Variants in ARHGAP39 observed in about 807,000 individuals in gnomAD.
ARHGAP39 encodes the protein rho GTPase-activating protein 39.
In ARHGAP39, 44 loss-of-function variants were observed where a neutral mutation model predicts 106.9. The ratio of observed to expected loss-of-function variants is 0.41; its 90% CI spans 0.32 to 0.53. ARHGAP39 has a LOEUF of 0.53. Ranked by LOEUF, ARHGAP39 falls within the 20% of genes least tolerant of loss-of-function variation. The pLI, the probability that ARHGAP39 is intolerant of heterozygous loss-of-function variation, is 0.21. For missense variants in ARHGAP39, 1,496 were observed against 1,577.3 expected (o/e 0.95, Z 0.87); for synonymous variants, 768 against 693.2 (o/e 1.11, Z -1.69).
chr8:144,544,602 C>T (rs1328435117), intron 6 of ARHGAP39, among the ~76,000 whole-genome samples: 1 of 152,256 alleles, frequency 6.6e-6, no homozygotes, highest in African/African-American at 2.4e-5. Flanking sequence ...TGGCGGATGG[C>T]ACCATGGCCT....
At chr8:144,637,673 G>A (rs928365644) in intron 1 of ARHGAP39, among the ~76,000 whole-genome samples, 5 of 152,042 alleles carry the variant, frequency 3.3e-5, no homozygotes, top group South Asian at 2.1e-4. Flanking sequence ...ATGTGTTTAC[G>A]TTTTGCTAAC....
Position 144,547,482 on chromosome 8 carries a change from G to A in ARHGAP39, c.1604C>T (p.Pro535Leu), listed in dbSNP as rs567204289. ...GGCCTCACCTTCCGCTCGCTTCACG[G>A]GGGCGAGGCTGGTCCCGCACGGGGG... is the stretch of plus-strand genomic sequence containing the variant. Reference protein sequence around the residue: ...EQPPCGTSLAPVKRAEGEAEG... With the variant: ...EQPPCGTSLALVKRAEGEAEG... The change falls in exon 5 of 12, where the codon CCC becomes CTC. Residue 535 changes from proline (P) to leucine (L), a missense_variant. Physicochemically the swap from Pro to Leu is moderately conservative, Grantham distance 98. This residue lies in a region of ARHGAP39 where 905 missense variants were observed against 816.4 expected (regional missense o/e 1.11). Coordinates refer to ENST00000377307, the MANE Select transcript of ARHGAP39 (RefSeq NM_025251.3). This position sits in a 1 kb window ranked among gnomAD's most constrained non-coding sequence, Gnocchi z 5.2. 1.5e-5 allele frequency: 23 copies of A among 1,532,626 alleles called. No individual in the cohort carries two copies. Among genetic ancestry groups the A allele is most frequent in the Non-Finnish European group, 2.0e-5 (23 of 1,144,036 alleles). 94.9% of individuals were successfully genotyped at this position (1,532,626 alleles called of 1,614,324 possible).
chr8:144,639,250 C>T (rs1338135768), intron 1 of ARHGAP39, among the ~76,000 whole-genome samples: 3 of 148,760 alleles, frequency 2.0e-5, no homozygotes, highest in African/African-American at 5.0e-5. Context: ...CACTTGAGCC[C>T]GGGAGGTGGA....
upstream of ARHGAP39, among the ~76,000 whole-genome samples, chr8:144,687,848 G>C (rs970435638): frequency 9.6e-6 from 1 of 104,674 alleles, no homozygotes; most frequent in Non-Finnish European, 1.8e-5. Context: ...CCACACACTA[G>C]CAGTGAGCAC....
chr8:144,611,440 G>C (rs114323801), intron 1 of ARHGAP39, among the ~76,000 whole-genome samples: 3,843 of 152,296 alleles, frequency 0.025, 168 homozygotes, highest in African/African-American at 0.088. Context: ...CTGAGAAACA[G>C]GTCAGGAGAG....
At position 144,591,031 on chromosome 8, in the gene ARHGAP39, G is replaced by A. The variant is rs1245421289; in HGVS notation, c.81-9754C>T. ...CAGCTGGCACTGACCCTGGAGTGGG[G>A]CAATTCCTGGCAAAGCCCCCATCCC... On this transcript the variant is annotated intron_variant, in intron 2 of 11. Coordinates refer to ENST00000377307, the MANE Select transcript of ARHGAP39 (RefSeq NM_025251.3). This position sits in a 1 kb window ranked among gnomAD's most constrained non-coding sequence, Gnocchi z 5.3. 6.6e-6 allele frequency among the ~76,000 whole-genome samples: 1 copy of A among 152,180 alleles called. No individual in the cohort carries two copies. The highest frequency in any genetic ancestry group is 2.4e-5 in the African/African-American group (1 of 41,450).
intron 1 of ARHGAP39, among the ~76,000 whole-genome samples, chr8:144,623,567 C>A (rs113782624): frequency 0.025 from 3,775 of 152,336 alleles, 106 homozygotes; most frequent in African/African-American, 0.074. Context: ...GGCGGCCTCG[C>A]GGCACAGACA....
At chr8:144,615,879 TCAG>T (rs745826526) in intron 1 of ARHGAP39, among the ~76,000 whole-genome samples, 11 of 152,180 alleles carry the variant, frequency 7.2e-5, no homozygotes, top group Non-Finnish European at 1.6e-4. Flanking sequence ...TGCCGCCCCT[TCAG>T]CAGCTGTGCT....
At chr8:144,620,896 C>T (rs749643178) in intron 1 of ARHGAP39, among the ~76,000 whole-genome samples, 49 of 152,356 alleles carry the variant, frequency 3.2e-4, no homozygotes, top group Non-Finnish European at 5.6e-4. Flanking sequence ...ACTGTGCCCT[C>T]GAGGTGAAGG....
In ARHGAP39 at chr8:144,547,934, G is replaced by A. The variant is rs1044664293; in HGVS notation, c.1152C>T (p.Ser384=). The part of the protein sequence containing the change: ...TKQKCPERFL[S]LEYSPAGKEY... ...CCTTGCCGGCGGGACTGTACTCCAGGCTCAGGAAGCGCTCGGGACACTTCT... is the reference window on the plus strand; with the variant it reads ...CCTTGCCGGCGGGACTGTACTCCAGACTCAGGAAGCGCTCGGGACACTTCT... Residue 384 remains serine, a synonymous_variant, in exon 5 of 12, where the codon AGC becomes AGT. Transcript: ENST00000377307. This position sits in a 1 kb window ranked among gnomAD's most constrained non-coding sequence, Gnocchi z 5.2. 5.0e-6 allele frequency: 8 copies of A among 1,591,768 alleles called. No homozygotes were observed. The highest frequency in any genetic ancestry group is 2.7e-5 in the African/African-American group (2 of 74,442).
intron 1 of ARHGAP39, among the ~76,000 whole-genome samples, chr8:144,657,295 G>A (rs1821721059): frequency 6.6e-6 from 1 of 151,788 alleles, no homozygotes; most frequent in African/African-American, 2.4e-5. Context: ...ACAGAAAAGA[G>A]GAAAGAAAGA....
At chr8:144,657,750 C>T (rs1821733067) in intron 1 of ARHGAP39, among the ~76,000 whole-genome samples, 1 of 152,066 alleles carries the variant, frequency 6.6e-6, no homozygotes, top group South Asian at 2.1e-4. Context: ...ATATAAGCTT[C>T]GCAAAACAGG....
chr8:144,536,718 G>T (rs1408180544), intron 7 of ARHGAP39, among the ~76,000 whole-genome samples: 1 of 152,196 alleles, frequency 6.6e-6, no homozygotes, highest in African/African-American at 2.4e-5. Context: ...GAGGTGCCAG[G>T]GTGAGGACAA....
At chr8:144,673,641 G>C (rs774996997) in intron 1 of ARHGAP39, among the ~76,000 whole-genome samples, 1 of 152,160 alleles carries the variant, frequency 6.6e-6, no homozygotes, top group Non-Finnish European at 1.5e-5. Context: ...AGATCCTTGG[G>C]GTGTCGCTTC....
At chr8:144,564,206 G>A (rs1340925673) in intron 3 of ARHGAP39, among the ~76,000 whole-genome samples, 1 of 152,230 alleles carries the variant, frequency 6.6e-6, no homozygotes, top group Non-Finnish European at 1.5e-5. Flanking sequence ...CATGTAAAAT[G>A]TCATCACAAA....
At chr8:144,607,767 T>C (rs1472260434) in intron 1 of ARHGAP39, among the ~76,000 whole-genome samples, 1 of 152,144 alleles carries the variant, frequency 6.6e-6, no homozygotes, top group East Asian at 1.9e-4. Context: ...ACAAGCGGGG[T>C]AACCACCTCC....
intron 1 of ARHGAP39, among the ~76,000 whole-genome samples, chr8:144,658,139 T>C (rs1377340900): frequency 6.6e-6 from 1 of 152,168 alleles, no homozygotes; most frequent in South Asian, 2.1e-4. Context: ...GACAAGGTTT[T>C]GCTCTTTTTG....
At chr8:144,675,912 G>A (rs545668369) in intron 1 of ARHGAP39, among the ~76,000 whole-genome samples, 1 of 152,316 alleles carries the variant, frequency 6.6e-6, no homozygotes, top group Non-Finnish European at 1.5e-5. Flanking sequence ...GACCTTCGCG[G>A]TGAGTGTTAC....
At chr8:144,665,680 T>G (rs1821945505) in intron 1 of ARHGAP39, among the ~76,000 whole-genome samples, 1 of 152,184 alleles carries the variant, frequency 6.6e-6, no homozygotes, top group Admixed American at 6.5e-5. Context: ...CCATGTGGTG[T>G]TGAGCCTACA....
Sources: allele counts gnomAD v4.1 joint callset (sites outside exome capture counted in the v4.1 genomes callset), GRCh38; gene constraint gnomAD v4.1.1; regional missense constraint gnomAD v4.1.1; non-coding constraint Gnocchi (gnomAD v3.1); transcripts MANE v1.5; gene names NCBI Gene and HGNC (gene_info 2026-07-23, HGNC 2026-07-21).